The following MGAT4C variants were observed in gnomAD, a reference collection of about 807,000 sequenced individuals.
MGAT4C encodes the protein MGAT4 family member C.
A neutral mutation model predicts 40.1 loss-of-function variants in MGAT4C; 19 were observed. The ratio of observed to expected loss-of-function variants is 0.47; its 90% confidence interval spans 0.33 to 0.70. MGAT4C has a LOEUF of 0.70. Among genes scored for constraint, MGAT4C ranks in the 30% least tolerant of loss-of-function variants. MGAT4C has a pLI of 0.02. For synonymous variants in MGAT4C, 181 were observed against 187.1 expected (o/e 0.97, Z 0.27); for missense variants, 491 against 563.2 (o/e 0.87, Z 1.30).
At chr12:86,512,161 T>C (rs1177511601) in intron 2 of MGAT4C, among the ~76,000 whole-genome samples, 1 of 152,052 alleles carries the variant, frequency 6.6e-6, no homozygotes, top group African/African-American at 2.4e-5. Context: ...AATAGGTATA[T>C]AAAAAGATAC....
intron 2 of MGAT4C, among the ~76,000 whole-genome samples, chr12:86,046,845 C>T (rs1018203236): frequency 4.6e-5 from 7 of 152,098 alleles, no homozygotes; most frequent in Non-Finnish European, 7.4e-5. Flanking sequence ...GACACTCCAG[C>T]AGTCTTCTAT....
chr12:86,672,172 G>T (rs1222409436), intron 2 of MGAT4C, among the ~76,000 whole-genome samples: 1 of 152,012 alleles, frequency 6.6e-6, no homozygotes, highest in Non-Finnish European at 1.5e-5. Context: ...TAAACTAGAT[G>T]CTCTTGAATG....
intron 1 of MGAT4C, among the ~76,000 whole-genome samples, chr12:86,138,131 C>T (rs371117037): frequency 6.6e-6 from 1 of 152,040 alleles, no homozygotes; most frequent in Non-Finnish European, 1.5e-5. Context: ...TCCACTCTAT[C>T]CTGTTTCCTT....
intron 1 of MGAT4C, among the ~76,000 whole-genome samples, chr12:86,206,499 A>G (rs1442444998): frequency 6.6e-6 from 1 of 152,172 alleles, no homozygotes; most frequent in Admixed American, 6.6e-5. Flanking sequence ...AAAGTATAAT[A>G]GGATAGACGG....
At chr12:86,491,176 C>T (rs1958125343) in intron 2 of MGAT4C, among the ~76,000 whole-genome samples, 1 of 152,048 alleles carries the variant, frequency 6.6e-6, no homozygotes, top group African/African-American at 2.4e-5. Flanking sequence ...CAAAAAGAGT[C>T]CAGGACCAGA....
chr12:86,774,576 A>AT (rs1250442282), intron 1 of MGAT4C, among the ~76,000 whole-genome samples: 2 of 151,824 alleles, frequency 1.3e-5, no homozygotes, highest in Non-Finnish European at 2.9e-5. Context: ...CTATTCTCAT[A>AT]TTTTTCTCCT....
intron 2 of MGAT4C, among the ~76,000 whole-genome samples, chr12:86,556,927 G>A (rs934482063): frequency 1.3e-5 from 2 of 151,908 alleles, no homozygotes; most frequent in South Asian, 4.1e-4. Flanking sequence ...GATTTTATTC[G>A]ACTATTTTTT....
intron 3 of MGAT4C, among the ~76,000 whole-genome samples, chr12:86,367,410 T>G (rs1372339942): frequency 6.6e-6 from 1 of 152,076 alleles, no homozygotes. Context: ...GGAAGATGTT[T>G]GGGAACACAC....
At chr12:86,294,157 A>G (rs549851160) in intron 4 of MGAT4C, among the ~76,000 whole-genome samples, 2 of 152,066 alleles carry the variant, frequency 1.3e-5, no homozygotes, top group Admixed American at 1.3e-4. Flanking sequence ...ATGCAGTTCA[A>G]CTGTAACTTA....
intron 3 of MGAT4C, among the ~76,000 whole-genome samples, chr12:86,406,362 A>G (rs987325365): frequency 6.6e-6 from 1 of 151,924 alleles, no homozygotes; most frequent in African/African-American, 2.4e-5. Context: ...TAAAAAGCTA[A>G]TATCTAAAAT....
chr12:86,269,701 T>C (rs1952893300), intron 4 of MGAT4C, among the ~76,000 whole-genome samples: 1 of 152,122 alleles, frequency 6.6e-6, no homozygotes, highest in South Asian at 2.1e-4. Context: ...TCATGAAGAC[T>C]TGGCATATAG....
chr12:86,802,984 T>C (rs1427243954), intron 1 of MGAT4C, among the ~76,000 whole-genome samples: 2 of 124,798 alleles, frequency 1.6e-5, no homozygotes, highest in African/African-American at 6.0e-5. Flanking sequence ...AGAACAAAGC[T>C]GGAGGCATCA....
intron 2 of MGAT4C, among the ~76,000 whole-genome samples, chr12:86,032,488 G>A (rs539349532): frequency 1.3e-5 from 2 of 149,432 alleles, no homozygotes; most frequent in South Asian, 2.1e-4. Context: ...TCATTGTGAG[G>A]TTGATTTGCA....
At chr12:86,753,502 C>T (rs1044429917) in intron 1 of MGAT4C, among the ~76,000 whole-genome samples, 1 of 152,098 alleles carries the variant, frequency 6.6e-6, no homozygotes, top group East Asian at 1.9e-4. Context: ...TGATTTCCCA[C>T]TTCACACCTC....
chr12:86,704,892 G>A (rs886447413), intron 2 of MGAT4C, among the ~76,000 whole-genome samples: 2 of 151,970 alleles, frequency 1.3e-5, no homozygotes, highest in Non-Finnish European at 1.5e-5. Context: ...TTCATATCTT[G>A]TTCTTCATTA....
intron 3 of MGAT4C, among the ~76,000 whole-genome samples, chr12:86,365,188 G>A (rs1341724167): frequency 6.6e-6 from 1 of 152,168 alleles, no homozygotes; most frequent in Non-Finnish European, 1.5e-5. Flanking sequence ...AAAGAATTCA[G>A]CAATATTTTT....
intron 2 of MGAT4C, among the ~76,000 whole-genome samples, chr12:86,657,153 G>A (rs1298264019): frequency 6.6e-6 from 1 of 151,788 alleles, no homozygotes; most frequent in Non-Finnish European, 1.5e-5. Context: ...CAGAAAAGAG[G>A]GCAAGCAAAT....
chr12:86,744,607 T>TTA (rs1555224771), intron 1 of MGAT4C, among the ~76,000 whole-genome samples: 1 of 149,664 alleles, frequency 6.7e-6, no homozygotes, highest in Non-Finnish European at 1.5e-5. Flanking sequence ...CATAATGAGG[T>TTA]AAAAAAAAAA....
At position 85,970,047 on chromosome 12, in the gene MGAT4C, G is replaced by C. The variant is rs991526365; in HGVS notation, c.*9242C>G. 1 of 151,178 alleles carries C rather than the reference G, an allele frequency of 6.6e-6. No homozygotes were observed. The highest frequency in any genetic ancestry group is 2.4e-5 in the African/African-American group (1 of 41,336). 9.4% of individuals were successfully genotyped at this position (151,178 alleles called of 1,614,324 possible). A position where few individuals can be genotyped will look rare whatever the true frequency, so the allele number is the denominator to read the frequency against. ...TTTGTTTCGTTTCCTTATTGCCCTA[G>C]ATGCCTTTTCTCTGGACCTAGATAA... On this transcript the variant is annotated 3_prime_UTR_variant, in exon 5 of 5. Coordinates refer to ENST00000611864, the MANE Select transcript of MGAT4C (RefSeq NM_001351288.2).
Sources: gnomAD v4.1 joint callset for allele counts (sites outside exome capture counted in the v4.1 genomes callset) on GRCh38, gnomAD v4.1.1 for gene constraint, MANE v1.5 for transcripts, NCBI Gene and HGNC (gene_info 2026-07-23, HGNC 2026-07-21) for gene names.